SYNJ1: variants seen among roughly 807,000 people sequenced by gnomAD.
SYNJ1 encodes synaptojanin 1.
A neutral mutation model predicts 168.2 loss-of-function variants in SYNJ1; 78 were observed. The ratio of observed to expected loss-of-function variants is 0.46; its 90% confidence interval spans 0.39 to 0.56. The LOEUF (loss-of-function observed/expected upper bound fraction) is 0.56. Ranked by LOEUF, SYNJ1 falls within the 20% of genes least tolerant of loss-of-function variation. SYNJ1 has a pLI of 0.00. For missense variants in SYNJ1, 1,303 were observed against 1,597.6 expected, an observed-to-expected ratio of 0.82 and a Z score of 3.14; for synonymous variants, 539 against 548.6, an observed-to-expected ratio of 0.98 and a Z score of 0.24.
At chr21:32,721,590 A>G (rs1210560369) in intron 2 of SYNJ1, among the ~76,000 whole-genome samples, 3 of 152,040 alleles carry the variant, frequency 2.0e-5, no homozygotes, top group Non-Finnish European at 4.4e-5. Context: ...GAGGCAGGAG[A>G]ACTCCTTGAA....
At chr21:32,657,915 C>T (rs1341734943) in intron 18 of SYNJ1, 43 bp from the exon 19 acceptor site, 1 of 1,508,864 alleles carries the variant, frequency 6.6e-7, no homozygotes, top group East Asian at 2.3e-5. Flanking sequence ...CAAACAGCAA[C>T]AAGTTCTGTT....
chr21:32,671,398 T>G (rs74332631), intron 14 of SYNJ1, among the ~76,000 whole-genome samples: 9,953 of 152,270 alleles, frequency 0.065, 344 homozygotes, highest in African/African-American at 0.083. Context: ...GCAAGTCTCA[T>G]GCATACATCA....
At chr21:32,687,571 T>A (rs2041878513) in intron 7 of SYNJ1, among the ~76,000 whole-genome samples, 1 of 152,256 alleles carries the variant, frequency 6.6e-6, no homozygotes, top group South Asian at 2.1e-4. Context: ...CAAAGAAATG[T>A]AACATAAACC....
At chr21:32,649,356 A>G (rs1329622766) in intron 23 of SYNJ1, among the ~76,000 whole-genome samples, 1 of 152,236 alleles carries the variant, frequency 6.6e-6, no homozygotes, top group Non-Finnish European at 1.5e-5. Flanking sequence ...ACCTAGCTAT[A>G]CAGGGCATTA....
At chr21:32,687,213 T>C (rs1017974407) in intron 7 of SYNJ1, 139 bp from the exon 8 acceptor site, 2 of 506,298 alleles carry the variant, frequency 4.0e-6, no homozygotes, top group South Asian at 3.1e-5. Flanking sequence ...GAATTCATTG[T>C]ACATGGTCTC....
chr21:32,648,284 C>G (rs965875800), intron 23 of SYNJ1, among the ~76,000 whole-genome samples: 1 of 152,210 alleles, frequency 6.6e-6, no homozygotes, highest in Non-Finnish European at 1.5e-5. Flanking sequence ...CTCTTTCCCC[C>G]CAAACTTTCT....
At chr21:32,725,494 C>CA (rs916460824) in intron 2 of SYNJ1, among the ~76,000 whole-genome samples, 26 of 152,242 alleles carry the variant, frequency 1.7e-4, no homozygotes, top group African/African-American at 5.8e-4. Context: ...CTCCTTCATT[C>CA]AAAAAATATA....
chr21:32,642,385 TCACTCATGGGAC>T (rs1352611894), intron 27 of SYNJ1, among the ~76,000 whole-genome samples: 18 of 151,450 alleles, frequency 1.2e-4, no homozygotes, highest in African/African-American at 4.4e-4. Context: ...GTTTGATATC[TCACTCATGGGAC>T]CACTTTTAGG....
At chr21:32,661,416 T>C (rs1210494681) in intron 18 of SYNJ1, among the ~76,000 whole-genome samples, 1 of 152,208 alleles carries the variant, frequency 6.6e-6, no homozygotes, top group Non-Finnish European at 1.5e-5. Flanking sequence ...TGCTGGTTCT[T>C]GTGTGTACTT....
intron 13 of SYNJ1, among the ~76,000 whole-genome samples, chr21:32,675,651 A>G (rs2041378083): frequency 1.3e-5 from 2 of 152,234 alleles, no homozygotes; most frequent in African/African-American, 4.8e-5. Flanking sequence ...TTAAGCTTTC[A>G]TTCCTTTTGC....
At position 32,631,630 on chromosome 21, in the gene SYNJ1, G is replaced by A; in HGVS notation, c.*175C>T. The A allele has an allele frequency of 6.2e-7, 1 of 1,605,300 alleles. No homozygotes were observed. The highest frequency in any genetic ancestry group is 8.5e-7 in the Non-Finnish European group (1 of 1,176,312). ...CTTACAGAACTCAAAACATTACTTT[G>A]CGTTGCAGAAGGCAACTGAATCAAC... On this transcript the variant is annotated 3_prime_UTR_variant, in exon 33 of 33. Transcript: ENST00000674351.
rs73901523 is a variant in SYNJ1, at chr21:32,656,044, G to A, written c.2795+643C>T. On this transcript the variant is annotated intron_variant, in intron 21 of 32. Coordinates refer to ENST00000674351, the MANE Select transcript of SYNJ1 (RefSeq NM_203446.3). ...AAAATAGCAATCACAGCTTCATTTTGTTATAGGGTTTTGTTACATGTTCTA... is the reference window on the plus strand; with the variant it reads ...AAAATAGCAATCACAGCTTCATTTTATTATAGGGTTTTGTTACATGTTCTA... 1.2e-3 allele frequency among the ~76,000 whole-genome samples: 188 copies of A among 152,248 alleles called. 1 individual carries two copies. The highest frequency in any genetic ancestry group is 4.2e-3 in the African/African-American group (173 of 41,552).
chr21:32,660,427 C>G (rs546795209), intron 18 of SYNJ1, among the ~76,000 whole-genome samples: 1 of 152,340 alleles, frequency 6.6e-6, no homozygotes, highest in East Asian at 1.9e-4. Flanking sequence ...CACCCTAAAT[C>G]CCGCCACCCT....
chr21:32,638,823 T>C lies in SYNJ1; in HGVS notation c.3915+85A>G, dbSNP rs187413403. On this transcript the variant is annotated intron_variant, in intron 31 of 32. Transcript: ENST00000674351. ...AACTCGTATTTATTTTTACTTCTTA[T>C]AACAGGCAATAATTAAAATAGGTAT... 3.1e-4 allele frequency: 403 copies of C among 1,304,316 alleles called. 4 individuals are homozygous for C. In the East Asian group the frequency reaches 9.0e-3, roughly 29 times the overall value. 80.8% of individuals were successfully genotyped at this position (1,304,316 alleles called of 1,614,324 possible).
At chr21:32,671,264 G>A (rs1259501872) in intron 14 of SYNJ1, among the ~76,000 whole-genome samples, 2 of 151,748 alleles carry the variant, frequency 1.3e-5, no homozygotes, top group East Asian at 3.9e-4. Context: ...CTATGATATG[G>A]AGACTGCACC....
intron 12 of SYNJ1, among the ~76,000 whole-genome samples, chr21:32,676,748 A>T (rs1291892763): frequency 6.6e-6 from 1 of 152,220 alleles, no homozygotes; most frequent in Non-Finnish European, 1.5e-5. Flanking sequence ...CACACCTTTT[A>T]GTATTCTTTC....
chr21:32,710,914 A>C (rs2042807166), intron 2 of SYNJ1, among the ~76,000 whole-genome samples: 1 of 152,244 alleles, frequency 6.6e-6, no homozygotes, highest in African/African-American at 2.4e-5. Context: ...TAAATAATTT[A>C]GTTTTAATAT....
At chr21:32,673,167 A>T (rs1284920276) in intron 14 of SYNJ1, among the ~76,000 whole-genome samples, 173 bp downstream of exon 14, 1 of 152,216 alleles carries the variant, frequency 6.6e-6, no homozygotes, top group East Asian at 1.9e-4. Flanking sequence ...TAGAAATTTT[A>T]AAAAGCTGAG....
intron 29 of SYNJ1, among the ~76,000 whole-genome samples, chr21:32,641,695 A>G (rs985690530): frequency 2.0e-5 from 3 of 152,184 alleles, no homozygotes; most frequent in Admixed American, 6.5e-5. Flanking sequence ...CTTTTATCCA[A>G]ATAATGAAGT....
Sources: allele counts gnomAD v4.1 joint callset (sites outside exome capture counted in the v4.1 genomes callset), GRCh38; gene constraint gnomAD v4.1.1; transcripts MANE v1.5; gene names NCBI Gene and HGNC (gene_info 2026-07-23, HGNC 2026-07-21).